LRRC37A2: variants seen among roughly 807,000 people sequenced by gnomAD.
The protein encoded by LRRC37A2 is leucine rich repeat containing 37 member A2.
A neutral mutation model predicts 68.8 loss-of-function variants in LRRC37A2; 9 were observed. That is an observed-to-expected ratio of 0.13 (90% CI 0.08 to 0.23). The LOEUF (loss-of-function observed/expected upper bound fraction) is 0.23. LRRC37A2 is among the 10% of genes least tolerant of loss of function. The probability of loss-of-function intolerance (pLI) is 1.00; values close to 1 mark genes in which losing one functional copy is unlikely to be tolerated. For missense variants in LRRC37A2, 168 were observed against 950.4 expected (o/e 0.18, Z 10.82); for synonymous variants, 63 against 367.6 (o/e 0.17, Z 9.48).
chr17:46,905,787 T>C, the LRRC37A2 span, among the ~76,000 whole-genome samples: 1 of 92,272 alleles, frequency 1.1e-5, no homozygotes, highest in African/African-American at 3.6e-5. Context: ...TGTTTGTGTG[T>C]GTGTGTGTGT....
chr17:46,458,712 T>C, the LRRC37A2 span, among the ~76,000 whole-genome samples: 85 of 104,722 alleles, frequency 8.1e-4, 20 homozygotes, highest in Non-Finnish European at 1.5e-3. Context: ...CAGCTAATTT[T>C]GTATTTTTAC....
the LRRC37A2 span, chr17:46,939,577 G>C: frequency 1.0e-6 from 1 of 985,396 alleles, no homozygotes; most frequent in Non-Finnish European, 1.2e-6. Flanking sequence ...TGTAGGCAAA[G>C]ATTTGTGATT....
the LRRC37A2 span, chr17:46,773,546 A>G: frequency 8.5e-7 from 1 of 1,171,612 alleles, no homozygotes; most frequent in African/African-American, 1.6e-5. Flanking sequence ...AACCAAATTT[A>G]TCACCCTCCC....
chr17:46,475,012 G>A, the LRRC37A2 span, among the ~76,000 whole-genome samples: 1 of 136,022 alleles, frequency 7.4e-6, no homozygotes, highest in Non-Finnish European at 1.6e-5. Context: ...TGAGTTTTCA[G>A]TTTGCAGAAT....
chr17:46,758,213 C>T, the LRRC37A2 span, among the ~76,000 whole-genome samples: 1 of 152,222 alleles, frequency 6.6e-6, no homozygotes, highest in African/African-American at 2.4e-5. Context: ...TCTTAACCTC[C>T]TAAACCTTGA....
At chr17:46,917,571 C>T in the LRRC37A2 span, among the ~76,000 whole-genome samples, 1 of 152,210 alleles carries the variant, frequency 6.6e-6, no homozygotes, top group East Asian at 1.9e-4. Context: ...GAGTCTCCTG[C>T]CTACAGTTCC....
the LRRC37A2 span, among the ~76,000 whole-genome samples, chr17:46,832,558 A>T: frequency 6.6e-6 from 1 of 151,378 alleles, no homozygotes; most frequent in Non-Finnish European, 1.5e-5. Context: ...AAAGGGGGAC[A>T]TGTGTTGCTG....
the LRRC37A2 span, among the ~76,000 whole-genome samples, chr17:46,708,825 T>G: frequency 4.6e-4 from 48 of 105,190 alleles, no homozygotes; most frequent in African/African-American, 1.8e-3. Context: ...TATATATATT[T>G]TTTTTTTTTT....
chr17:46,834,265 G>A, the LRRC37A2 span, among the ~76,000 whole-genome samples: 17 of 152,302 alleles, frequency 1.1e-4, no homozygotes, highest in African/African-American at 3.4e-4. Context: ...CCAAAACGAC[G>A]GATTTGCCAA....
At chr17:46,798,864 A>C in the LRRC37A2 span, among the ~76,000 whole-genome samples, 30 of 152,130 alleles carry the variant, frequency 2.0e-4, no homozygotes, top group African/African-American at 7.2e-4. Flanking sequence ...CCTGGCTAAC[A>C]TGGGGAAACC....
chr17:46,942,022 C>G, the LRRC37A2 span: 116 of 906,798 alleles, frequency 1.3e-4, no homozygotes, highest in Middle Eastern at 1.7e-3. Context: ...TATATCCTAC[C>G]TTAGTCCAAA....
the LRRC37A2 span, among the ~76,000 whole-genome samples, chr17:46,782,006 T>C: frequency 9.8e-5 from 15 of 152,312 alleles, no homozygotes; most frequent in East Asian, 2.7e-3. Flanking sequence ...TCTCTGGGGC[T>C]GGGCACAAAA....
the LRRC37A2 span, among the ~76,000 whole-genome samples, chr17:46,882,390 A>G: frequency 1.3e-5 from 2 of 152,180 alleles, no homozygotes; most frequent in African/African-American, 2.4e-5. Flanking sequence ...GATTCAGGTT[A>G]AACATTTTGG....
the LRRC37A2 span, among the ~76,000 whole-genome samples, chr17:46,911,103 A>G: frequency 6.6e-6 from 1 of 152,204 alleles, no homozygotes; most frequent in Non-Finnish European, 1.5e-5. Context: ...CTCAAAATGG[A>G]AAGCCCTTTC....
the LRRC37A2 span, among the ~76,000 whole-genome samples, chr17:46,957,317 A>C: frequency 6.6e-6 from 1 of 151,840 alleles, no homozygotes; most frequent in Non-Finnish European, 1.5e-5. Context: ...AAAGAAAACA[A>C]AAAAAGAAAC....
At chr17:46,978,519 C>T in the LRRC37A2 span, 1 of 1,200,166 alleles carries the variant, frequency 8.3e-7, no homozygotes, top group Non-Finnish European at 1.1e-6. Context: ...CGCGTCCCCG[C>T]CCGGGCGCCC....
the LRRC37A2 span, among the ~76,000 whole-genome samples, chr17:46,971,881 C>T: frequency 6.6e-6 from 1 of 152,210 alleles, no homozygotes; most frequent in Non-Finnish European, 1.5e-5. Context: ...TGTTGGGCAC[C>T]TCTCCCTCCC....
chr17:46,891,698 C>T, the LRRC37A2 span, among the ~76,000 whole-genome samples: 1 of 152,252 alleles, frequency 6.6e-6, no homozygotes, highest in Non-Finnish European at 1.5e-5. Context: ...GCCTTCCAGC[C>T]AGAAATGTCC....
chr17:46,779,550 G>C, the LRRC37A2 span, among the ~76,000 whole-genome samples: 1 of 152,324 alleles, frequency 6.6e-6, no homozygotes, highest in African/African-American at 2.4e-5. Flanking sequence ...GATGGGCTGC[G>C]GGTGCCCTGC....
Sources: gnomAD v4.1 joint callset for allele counts (sites outside exome capture counted in the v4.1 genomes callset) on GRCh38, gnomAD v4.1.1 for gene constraint, MANE v1.5 for transcripts, NCBI Gene and HGNC (gene_info 2026-07-23, HGNC 2026-07-21) for gene names.